TMEM272: variants seen among roughly 807,000 people sequenced by gnomAD.
The protein encoded by TMEM272 is long intergenic non-protein coding RNA 282.
In TMEM272, 8 loss-of-function variants were observed where a neutral mutation model predicts 3.7. That is an observed-to-expected ratio of 2.17 (90% CI 1.27 to 3.91). The LOEUF is 3.91. Ranked by LOEUF, TMEM272 falls within the 30% of genes most tolerant of loss-of-function variation. TMEM272 has a pLI of 0.00. For synonymous variants in TMEM272, 63 were observed against 39.8 expected, an observed-to-expected ratio of 1.58 and a Z score of -2.20; for missense variants, 166 against 91.5, an observed-to-expected ratio of 1.81 and a Z score of -3.32.
At chr13:51,840,869 C>T (rs566173860) in intron 1 of TMEM272, among the ~76,000 whole-genome samples, 1 of 152,344 alleles carries the variant, frequency 6.6e-6, no homozygotes, top group African/African-American at 2.4e-5. Context: ...ACCACAGCCT[C>T]CTTCCACATC....
intron 3 of TMEM272, among the ~76,000 whole-genome samples, chr13:51,823,270 G>A (rs1291003100): frequency 6.6e-6 from 1 of 152,242 alleles, no homozygotes; most frequent in Non-Finnish European, 1.5e-5. Flanking sequence ...TAGAGAAGAA[G>A]GACTCACTAT....
the TMEM272 span, chr13:51,934,127 C>T: frequency 2.4e-5 from 4 of 168,532 alleles, no homozygotes; most frequent in Admixed American, 1.1e-4. Context: ...ATTGGAGAAG[C>T]GCCTGAGAGC....
At chr13:51,874,228 T>C in the TMEM272 span, among the ~76,000 whole-genome samples, 3 of 152,224 alleles carry the variant, frequency 2.0e-5, no homozygotes, top group Middle Eastern at 3.2e-3. Flanking sequence ...CTGCATAATG[T>C]TCTTGGCTGT....
At chr13:51,897,928 A>AAAAG in the TMEM272 span, among the ~76,000 whole-genome samples, 3 of 149,682 alleles carry the variant, frequency 2.0e-5, no homozygotes, top group Non-Finnish European at 3.0e-5. Flanking sequence ...CTCCATCTCA[A>AAAAG]AAAAAAAAAA....
At chr13:51,855,618 A>G in the TMEM272 span, among the ~76,000 whole-genome samples, 3 of 152,188 alleles carry the variant, frequency 2.0e-5, no homozygotes, top group African/African-American at 7.2e-5. Context: ...CTAGATTGGA[A>G]TAAAATTTAA....
upstream of TMEM272, among the ~76,000 whole-genome samples, chr13:51,849,032 T>C (rs973140725): frequency 2.6e-5 from 4 of 152,208 alleles, no homozygotes; most frequent in African/African-American, 9.6e-5. Context: ...TCACTTCGAC[T>C]TCTACCTGAG....
chr13:51,910,299 A>G, the TMEM272 span: 7 of 1,423,384 alleles, frequency 4.9e-6, no homozygotes, highest in East Asian at 6.9e-5. Flanking sequence ...AGATGACTCT[A>G]CTTCATAGCC....
At chr13:51,829,196 T>TA (rs1054195755) in intron 2 of TMEM272, among the ~76,000 whole-genome samples, 1 of 152,214 alleles carries the variant, frequency 6.6e-6, no homozygotes, top group African/African-American at 2.4e-5. Flanking sequence ...TAAATGCTCT[T>TA]AGAGTTGCAT....
At chr13:51,888,773 G>A in the TMEM272 span, among the ~76,000 whole-genome samples, 2 of 149,566 alleles carry the variant, frequency 1.3e-5, no homozygotes, top group Admixed American at 1.3e-4. Flanking sequence ...AGCCTCCCAA[G>A]TAGTTGGGAT....
At chr13:51,838,670 G>C in intron 1 of TMEM272, 117 bp from the exon 2 acceptor site, 1 of 680,248 alleles carries the variant, frequency 1.5e-6, no homozygotes, top group African/African-American at 1.8e-5. Context: ...GTCAGCCCGG[G>C]TGGCCTGGGT....
At chr13:51,837,561 G>A (rs529341899) in intron 2 of TMEM272, among the ~76,000 whole-genome samples, 10 of 152,324 alleles carry the variant, frequency 6.6e-5, no homozygotes, top group South Asian at 2.1e-4. Flanking sequence ...GCCCATCAGC[G>A]AATGGAGAAG....
At chr13:51,873,287 G>A in the TMEM272 span, among the ~76,000 whole-genome samples, 1 of 152,094 alleles carries the variant, frequency 6.6e-6, no homozygotes. Flanking sequence ...AGAATAGTGT[G>A]GTCTACTACA....
the TMEM272 span, among the ~76,000 whole-genome samples, chr13:51,907,743 C>T: frequency 6.6e-6 from 1 of 152,210 alleles, no homozygotes; most frequent in South Asian, 2.1e-4. Flanking sequence ...GAGTAACAAA[C>T]CATCTTTTCA....
chr13:51,912,314 C>T, the TMEM272 span, among the ~76,000 whole-genome samples: 177 of 152,272 alleles, frequency 1.2e-3, no homozygotes, highest in African/African-American at 4.0e-3. Flanking sequence ...CCCATTCACG[C>T]TTGTTCTTTG....
the TMEM272 span, chr13:51,866,023 GC>G: frequency 6.2e-7 from 1 of 1,607,738 alleles, no homozygotes; most frequent in Non-Finnish European, 8.5e-7. Flanking sequence ...TCGAAGATGG[GC>G]CCCACAACGC....
the TMEM272 span, among the ~76,000 whole-genome samples, chr13:51,920,758 T>C: frequency 6.6e-6 from 1 of 152,244 alleles, no homozygotes; most frequent in African/African-American, 2.4e-5. Flanking sequence ...TTGCCTATTA[T>C]TGCTGTCTCT....
intron 2 of TMEM272, among the ~76,000 whole-genome samples, chr13:51,831,953 A>G (rs1285270643): frequency 6.6e-6 from 1 of 152,250 alleles, no homozygotes; most frequent in Admixed American, 6.5e-5. Flanking sequence ...TCCAAAGGAG[A>G]AAATAATTCA....
rs1275828171 is a variant in TMEM272 at position 51,815,781 on chromosome 13, G to T, written c.*970C>A. 6.6e-6 allele frequency: 1 copy of T among 152,232 alleles called. No individual in the cohort carries two copies. Among genetic ancestry groups the T allele is most frequent in the Non-Finnish European group, 1.5e-5 (1 of 68,058 alleles). 9.4% of individuals were successfully genotyped at this position (152,232 alleles called of 1,614,324 possible). ...GCGGCAGCCAGAGGGAAGGTTAGTG[G>T]TCACTGTTCGGTGTCATCCTGGACT... On this transcript the variant is annotated 3_prime_UTR_variant, in exon 5 of 5. Coordinates refer to ENST00000629372, the MANE Select transcript of TMEM272 (RefSeq NM_001351003.2).
rs1000900894 is a variant in TMEM272, at chr13:51,814,676, A to G, written c.*2075T>C. 1.3e-5 allele frequency: 2 copies of G among 152,196 alleles called. No individual in the cohort carries two copies. The highest frequency in any genetic ancestry group is 2.9e-5 in the Non-Finnish European group (2 of 68,038). The allele number at this position is 152,196 out of a possible 1,614,324, so 9.4% of individuals were successfully genotyped here. On this transcript the variant is annotated 3_prime_UTR_variant, in exon 5 of 5. Coordinates refer to ENST00000629372, the MANE Select transcript of TMEM272 (RefSeq NM_001351003.2). ...TTAGGACCTATGACCAGTATTCTCC[A>G]TTGCAACTGGGGGTGGGCTGGTGGG...
Sources: gnomAD v4.1 joint callset for allele counts (sites outside exome capture counted in the v4.1 genomes callset) on GRCh38, gnomAD v4.1.1 for gene constraint, MANE v1.5 for transcripts, NCBI Gene and HGNC (gene_info 2026-07-23, HGNC 2026-07-21) for gene names.